SGCD: variants seen among roughly 807,000 people sequenced by gnomAD.
SGCD encodes sarcoglycan delta.
SGCD carries 18 observed loss-of-function variants against 36.6 expected under a neutral mutation model. The observed-to-expected ratio is 0.49, with a 90% CI of 0.34 to 0.73. SGCD has a LOEUF of 0.73. Among genes scored for constraint, SGCD ranks in the 30% least tolerant of loss-of-function variants. The pLI is 0.01. For synonymous variants in SGCD, 133 were observed against 130.6 expected, an observed-to-expected ratio of 1.02 and a Z score of -0.12; for missense variants, 387 against 346.7, an observed-to-expected ratio of 1.12 and a Z score of -0.92.
At chr5:156,256,706 G>A (rs1765725261) in intron 3 of SGCD, among the ~76,000 whole-genome samples, 1 of 152,138 alleles carries the variant, frequency 6.6e-6, no homozygotes, top group Non-Finnish European at 1.5e-5. Flanking sequence ...AGATTGTAGG[G>A]TAGAAATTTG....
At chr5:156,107,760 G>A (rs898975109) in intron 1 of SGCD, among the ~76,000 whole-genome samples, 10 of 151,970 alleles carry the variant, frequency 6.6e-5, no homozygotes, top group Admixed American at 3.3e-4. Flanking sequence ...ATTTTCTGCC[G>A]TTTATAGATT....
At chr5:156,203,780 GGA>G (rs1325532106) in intron 3 of SGCD, among the ~76,000 whole-genome samples, 2 of 152,092 alleles carry the variant, frequency 1.3e-5, no homozygotes, top group East Asian at 3.9e-4. Context: ...TAGCGGCAGT[GGA>G]GAAAACAGGA....
intron 1 of SGCD, among the ~76,000 whole-genome samples, chr5:155,997,286 A>T (rs188169025): frequency 9.2e-5 from 14 of 152,364 alleles, no homozygotes; most frequent in African/African-American, 2.6e-4. Context: ...AAGTGGTGAA[A>T]CTTAAGAGTC....
At chr5:155,775,410 AC>A in the SGCD span, among the ~76,000 whole-genome samples, 94 of 152,124 alleles carry the variant, frequency 6.2e-4, no homozygotes, top group Non-Finnish European at 1.2e-3. Flanking sequence ...AACCCATGAG[AC>A]AGAGACTCAG....
chr5:156,504,531 C>T (rs1561740928), intron 3 of SGCD, among the ~76,000 whole-genome samples: 1 of 151,930 alleles, frequency 6.6e-6, no homozygotes. Context: ...TGCCTGCACT[C>T]TTACATATTC....
chr5:156,394,171 G>A (rs937584344), intron 3 of SGCD, among the ~76,000 whole-genome samples: 2 of 152,182 alleles, frequency 1.3e-5, no homozygotes, highest in Non-Finnish European at 1.5e-5. Flanking sequence ...GTCATGTCTG[G>A]ATCAAGGATG....
At chr5:156,352,404 T>C (rs1477056547) in intron 3 of SGCD, among the ~76,000 whole-genome samples, 1 of 152,236 alleles carries the variant, frequency 6.6e-6, no homozygotes, top group Non-Finnish European at 1.5e-5. Context: ...TAGCAGGGAT[T>C]ATTCTCTATA....
chr5:156,119,075 A>C (rs962440943), intron 2 of SGCD, among the ~76,000 whole-genome samples: 6 of 152,150 alleles, frequency 3.9e-5, no homozygotes, highest in Non-Finnish European at 5.9e-5. Context: ...CATGTAGCTC[A>C]TTCCAGTATG....
intron 3 of SGCD, among the ~76,000 whole-genome samples, chr5:156,409,221 C>A (rs1006099539): frequency 1.3e-5 from 2 of 152,130 alleles, no homozygotes; most frequent in East Asian, 1.9e-4. Context: ...CCTTAACCTG[C>A]TACAAACCCC....
At chr5:156,273,360 T>G (rs1766228994) in intron 3 of SGCD, among the ~76,000 whole-genome samples, 1 of 152,240 alleles carries the variant, frequency 6.6e-6, no homozygotes, top group South Asian at 2.1e-4. Context: ...AACTCATTTT[T>G]CTTGCAAGTC....
At chr5:156,239,277 G>T (rs1006373268) in intron 3 of SGCD, among the ~76,000 whole-genome samples, 1 of 151,646 alleles carries the variant, frequency 6.6e-6, no homozygotes, top group Non-Finnish European at 1.5e-5. Flanking sequence ...GCAGGTGCCT[G>T]TAATCCCAGC....
chr5:156,711,781 T>C (rs571873076), intron 7 of SGCD, among the ~76,000 whole-genome samples: 72 of 152,280 alleles, frequency 4.7e-4, no homozygotes, highest in African/African-American at 1.7e-3. Flanking sequence ...GGTTCTTGGA[T>C]CTCATGCAAG....
At chr5:156,486,796 C>T (rs914067797) in intron 3 of SGCD, among the ~76,000 whole-genome samples, 1 of 152,098 alleles carries the variant, frequency 6.6e-6, no homozygotes, top group Non-Finnish European at 1.5e-5. Context: ...CCTGCCCAGC[C>T]TGCAACTACC....
intron 3 of SGCD, among the ~76,000 whole-genome samples, chr5:156,217,566 G>C (rs1488360119): frequency 6.6e-6 from 1 of 152,082 alleles, no homozygotes; most frequent in Non-Finnish European, 1.5e-5. Context: ...CATTTCAACT[G>C]TACTATTTTT....
chr5:156,691,218 A>AAAAAGAAAAG (rs1554130196), intron 7 of SGCD, among the ~76,000 whole-genome samples: 3 of 150,648 alleles, frequency 2.0e-5, no homozygotes, highest in African/African-American at 7.3e-5. Flanking sequence ...AAAAAAAAAA[A>AAAAAGAAAAG]AAAAAAAAGA....
intron 1 of SGCD, among the ~76,000 whole-genome samples, chr5:155,886,424 C>T (rs922235322): frequency 1.3e-5 from 2 of 152,272 alleles, no homozygotes. Context: ...ATATGTACAT[C>T]CATGGTCCAG....
At chr5:156,031,613 C>T (rs1759349841) in intron 1 of SGCD, among the ~76,000 whole-genome samples, 1 of 152,180 alleles carries the variant, frequency 6.6e-6, no homozygotes, top group South Asian at 2.1e-4. Context: ...TATTATTTGA[C>T]AGGCTTACAT....
intron 3 of SGCD, among the ~76,000 whole-genome samples, chr5:156,307,919 G>T (rs1226198229): frequency 4.0e-5 from 6 of 151,644 alleles, no homozygotes; most frequent in African/African-American, 1.5e-4. Context: ...TAAAAATGTG[G>T]AGTGAAAAAC....
At chr5:155,886,285 G>A (rs1332788164) in intron 1 of SGCD, among the ~76,000 whole-genome samples, 2 of 152,264 alleles carry the variant, frequency 1.3e-5, no homozygotes, top group African/African-American at 4.8e-5. Flanking sequence ...GAGCTCCCTG[G>A]CCATCTGCTT....
Sources: gnomAD v4.1 joint callset for allele counts (sites outside exome capture counted in the v4.1 genomes callset) on GRCh38, gnomAD v4.1.1 for gene constraint, MANE v1.5 for transcripts, NCBI Gene and HGNC (gene_info 2026-07-23, HGNC 2026-07-21) for gene names.